The following SUGCT variants were observed in gnomAD, a reference collection of about 807,000 sequenced individuals.
The protein encoded by SUGCT is succinyl-CoA:glutarate CoA-transferase.
SUGCT carries 41 observed loss-of-function variants against 55.0 expected under a neutral mutation model. The observed-to-expected ratio is 0.74, with a 90% CI of 0.58 to 0.97. The LOEUF is 0.97. SUGCT is among the 50% of genes least tolerant of loss of function. The pLI is 0.00. For synonymous variants in SUGCT, 187 were observed against 200.4 expected, an observed-to-expected ratio of 0.93 and a Z score of 0.56; for missense variants, 568 against 547.8, an observed-to-expected ratio of 1.04 and a Z score of -0.37.
intron 6 of SUGCT, among the ~76,000 whole-genome samples, chr7:40,219,293 C>A (rs1214030742): frequency 6.6e-6 from 1 of 152,086 alleles, no homozygotes; most frequent in Non-Finnish European, 1.5e-5. Flanking sequence ...CGCGAGGGTC[C>A]GCAGCTTAAT....
intron 11 of SUGCT, among the ~76,000 whole-genome samples, chr7:40,459,477 C>T (rs541818092): frequency 1.3e-5 from 2 of 152,184 alleles, no homozygotes; most frequent in East Asian, 3.9e-4. Context: ...TCTCTGTGTC[C>T]TGTACCTGTT....
At chr7:40,255,660 CAAAAA>C (rs70996898) in intron 7 of SUGCT, among the ~76,000 whole-genome samples, 2 of 54,208 alleles carry the variant, frequency 3.7e-5, no homozygotes, top group African/African-American at 8.5e-5. Flanking sequence ...GACTCTGTAT[CAAAAA>C]AAAAAAAAAA....
In SUGCT at chr7:40,324,261, A is replaced by ATATATATT. The variant is rs377215730; in HGVS notation, c.816+7409_816+7410insATATTTAT. Among the ~76,000 whole-genome samples the ATATATATT allele has an allele frequency of 3.5e-3, 347 of 99,950 alleles. 4 individuals are homozygous for ATATATATT. The highest frequency in any genetic ancestry group is 0.013 in the African/African-American group (320 of 25,168). 65.6% of individuals were successfully genotyped at this position (99,950 alleles called of 152,430 possible). A position where few individuals can be genotyped will look rare whatever the true frequency, so the allele number is the denominator to read the frequency against. The stretch of plus-strand genomic sequence containing the variant: ...AATAAATAAATAAATAAATATATAT[A>ATATATATT]TATTTATTTTTTGAGACAGAGTCTT... On this transcript the variant is annotated intron_variant, in intron 9 of 13. Transcript: ENST00000335693.
chr7:40,266,575 T>A (rs558495065), intron 7 of SUGCT, among the ~76,000 whole-genome samples: 1 of 151,726 alleles, frequency 6.6e-6, no homozygotes, highest in Non-Finnish European at 1.5e-5. Flanking sequence ...TTATCATTGA[T>A]AATTTCTTTT....
At chr7:40,649,770 C>A (rs1408470689) in intron 12 of SUGCT, among the ~76,000 whole-genome samples, 4 of 152,074 alleles carry the variant, frequency 2.6e-5, no homozygotes, top group African/African-American at 9.7e-5. Flanking sequence ...CAAAAATTGT[C>A]CATATGGTAG....
At chr7:40,467,285 A>G (rs941204184) in intron 11 of SUGCT, among the ~76,000 whole-genome samples, 9 of 151,760 alleles carry the variant, frequency 5.9e-5, no homozygotes, top group African/African-American at 1.9e-4. Flanking sequence ...TTTGAGGAAA[A>G]TCTTTTTTAA....
the SUGCT span, among the ~76,000 whole-genome samples, chr7:40,909,959 TTGGGG>T: frequency 1.3e-5 from 2 of 152,110 alleles, no homozygotes; most frequent in African/African-American, 4.8e-5. Flanking sequence ...ACTTCTTGAC[TTGGGG>T]TTCAACAGGC....
rs371183653 is a variant in SUGCT, at chr7:40,259,330, A to G, written c.577-15183A>G. Among the ~76,000 whole-genome samples, 74 of 152,332 alleles carry G rather than the reference A, an allele frequency of 4.9e-4. No individual in the cohort carries two copies. The East Asian group carries it at 5.8e-3, about 12-fold the overall frequency. ...CCCACTTACATGTGGAGTTTTTTCA[A>G]TCAAATGCAGCTTGAGGGATACATA... On this transcript the variant is annotated intron_variant, in intron 7 of 13. Transcript: ENST00000335693.
At chr7:40,838,426 T>C (rs1247437746) in intron 13 of SUGCT, among the ~76,000 whole-genome samples, 1 of 152,214 alleles carries the variant, frequency 6.6e-6, no homozygotes, top group Admixed American at 6.5e-5. Context: ...TTAGGTCTTC[T>C]ATGATTTCTT....
chr7:40,448,916 G>A (rs1032674888), intron 9 of SUGCT, among the ~76,000 whole-genome samples: 3 of 147,838 alleles, frequency 2.0e-5, no homozygotes, highest in Non-Finnish European at 3.0e-5. Context: ...GTGTGTGTGT[G>A]TGTATATATG....
chr7:40,935,661 G>A, the SUGCT span, among the ~76,000 whole-genome samples: 1 of 152,100 alleles, frequency 6.6e-6, no homozygotes, highest in African/African-American at 2.4e-5. Context: ...AAAAAATGTT[G>A]TTGGTCCCAA....
the SUGCT span, among the ~76,000 whole-genome samples, chr7:40,892,026 A>T: frequency 6.6e-6 from 1 of 152,228 alleles, no homozygotes; most frequent in East Asian, 1.9e-4. Context: ...AAAAGAATAT[A>T]TAAAATTCAC....
At chr7:40,970,866 G>C in the SUGCT span, among the ~76,000 whole-genome samples, 1 of 152,136 alleles carries the variant, frequency 6.6e-6, no homozygotes, top group African/African-American at 2.4e-5. Flanking sequence ...AGTGAGGCCA[G>C]CAGGTGACTT....
At chr7:40,908,130 G>A in the SUGCT span, among the ~76,000 whole-genome samples, 1 of 151,946 alleles carries the variant, frequency 6.6e-6, no homozygotes, top group Non-Finnish European at 1.5e-5. Flanking sequence ...TGTAACCCCG[G>A]CACTTTGGGA....
chr7:40,366,076 G>A (rs146892694), intron 9 of SUGCT, among the ~76,000 whole-genome samples: 2,297 of 152,194 alleles, frequency 0.015, 50 homozygotes, highest in South Asian at 0.059. Context: ...ATATAGATCA[G>A]TGGAACAGAA....
chr7:40,573,485 G>A (rs551211828), intron 12 of SUGCT, among the ~76,000 whole-genome samples: 1 of 151,538 alleles, frequency 6.6e-6, no homozygotes, highest in African/African-American at 2.4e-5. Context: ...TAAGTAATAA[G>A]CTGTAACACA....
chr7:40,314,172 C>T (rs1795304274), intron 8 of SUGCT, among the ~76,000 whole-genome samples: 1 of 152,132 alleles, frequency 6.6e-6, no homozygotes, highest in Non-Finnish European at 1.5e-5. Context: ...GATATCCAGC[C>T]AGGAATCCAG....
At chr7:40,733,266 C>G (rs528410248) in intron 12 of SUGCT, among the ~76,000 whole-genome samples, 138 of 152,288 alleles carry the variant, frequency 9.1e-4, no homozygotes, top group Non-Finnish European at 1.7e-3. Flanking sequence ...TCAGCCCTTT[C>G]TCCCTGATAA....
At chr7:40,307,747 G>A (rs1794915732) in intron 8 of SUGCT, among the ~76,000 whole-genome samples, 1 of 152,118 alleles carries the variant, frequency 6.6e-6, no homozygotes, top group South Asian at 2.1e-4. Flanking sequence ...CTTTTAACAT[G>A]GCATGGACAA....
Sources: allele counts gnomAD v4.1 joint callset (sites outside exome capture counted in the v4.1 genomes callset), GRCh38; gene constraint gnomAD v4.1.1; transcripts MANE v1.5; gene names NCBI Gene and HGNC (gene_info 2026-07-23, HGNC 2026-07-21).